Variants in ARMC9 observed in about 807,000 individuals in gnomAD.
ARMC9 encodes the protein armadillo repeat containing 9, also known as lisH domain-containing protein ARMC9.
In ARMC9, 94 loss-of-function variants were observed where a neutral mutation model predicts 107.0. The ratio of observed to expected loss-of-function variants is 0.88; its 90% confidence interval spans 0.74 to 1.04. The LOEUF (loss-of-function observed/expected upper bound fraction) is 1.04, where lower values mean the gene tolerates loss of function less well. Among genes scored for constraint, ARMC9 ranks in the 50% least tolerant of loss-of-function variants. ARMC9 has a pLI of 0.00. For missense variants in ARMC9, 942 were observed against 1,030.1 expected (o/e 0.91, Z 1.17); for synonymous variants, 380 against 396.9 (o/e 0.96, Z 0.51).
At chr2:231,229,907 A>G (rs2035046019) in intron 7 of ARMC9, among the ~76,000 whole-genome samples, 1 of 152,238 alleles carries the variant, frequency 6.6e-6, no homozygotes, top group Admixed American at 6.5e-5. Context: ...TAAGTGAAGT[A>G]GAAAAGTTAA....
rs1001604161 is a variant in ARMC9, at chr2:231,360,368, C to T, written c.2132-386C>T. ...TGGTTTTAGCAAATAAAACTACACA[C>T]CACCCAGTTACATTTGAGTTTCAGA... On this transcript the variant is annotated intron_variant, in intron 22 of 24. Coordinates refer to ENST00000611582, the MANE Select transcript of ARMC9 (RefSeq NM_001352754.2). The surrounding 1 kb of genome is among the most constrained non-coding windows in gnomAD (Gnocchi z 4.7). 6.6e-6 allele frequency among the ~76,000 whole-genome samples: 1 copy of T among 152,184 alleles called. No individual in the cohort carries two copies. The highest frequency in any genetic ancestry group is 1.5e-5 in the Non-Finnish European group (1 of 68,034).
At chr2:231,370,224 G>T in intron 24 of ARMC9, 99 bp downstream of exon 24, 1 of 1,325,152 alleles carries the variant, frequency 7.5e-7, no homozygotes, top group Non-Finnish European at 9.9e-7. Flanking sequence ...GCTCCTGTGT[G>T]TACCAGGCCA....
intron 9 of ARMC9, among the ~76,000 whole-genome samples, chr2:231,254,609 A>C (rs1574815951): frequency 6.6e-6 from 1 of 151,946 alleles, no homozygotes; most frequent in South Asian, 2.1e-4. Flanking sequence ...GCTTGAGCCC[A>C]GGAGTTCAAG....
chr2:231,235,614 C>T (rs112992545), intron 8 of ARMC9, among the ~76,000 whole-genome samples: 11 of 152,274 alleles, frequency 7.2e-5, no homozygotes, highest in African/African-American at 1.4e-4. Flanking sequence ...TACTGTCTGC[C>T]ATATCTTTAT....
chr2:231,300,687 G>T (rs1575003291), intron 19 of ARMC9, among the ~76,000 whole-genome samples: 1 of 152,222 alleles, frequency 6.6e-6, no homozygotes, highest in Admixed American at 6.5e-5. Flanking sequence ...AATCCAGGTG[G>T]TCTGACTCAG....
chr2:231,328,443 G>A (rs991224418), intron 19 of ARMC9, among the ~76,000 whole-genome samples: 1 of 151,896 alleles, frequency 6.6e-6, no homozygotes, highest in African/African-American at 2.4e-5. Context: ...CCTTTTATGG[G>A]TGTTCTAAAA....
At chr2:231,330,180 C>G (rs1355690295) in intron 19 of ARMC9, among the ~76,000 whole-genome samples, 1 of 151,734 alleles carries the variant, frequency 6.6e-6, no homozygotes, top group Non-Finnish European at 1.5e-5. Context: ...TCGATTCTTA[C>G]CATATTGTTT....
At chr2:231,263,540 C>A (rs1034684147) in intron 12 of ARMC9, among the ~76,000 whole-genome samples, 1 of 152,218 alleles carries the variant, frequency 6.6e-6, no homozygotes, top group Admixed American at 6.5e-5. Context: ...TGCCTAATAT[C>A]CTCTTAAAGG....
At chr2:231,340,163 TGGAAAA>T (rs2044409594) in intron 20 of ARMC9, among the ~76,000 whole-genome samples, 1 of 152,156 alleles carries the variant, frequency 6.6e-6, no homozygotes, top group Non-Finnish European at 1.5e-5. Flanking sequence ...GAGGCAATGG[TGGAAAA>T]GTTACCAAAT....
chr2:231,238,581 G>C (rs1052891081), intron 8 of ARMC9, among the ~76,000 whole-genome samples: 1 of 152,190 alleles, frequency 6.6e-6, no homozygotes, highest in Non-Finnish European at 1.5e-5. Context: ...TCAAACTCCT[G>C]AGCTCAAGTG....
chr2:231,256,559 T>A lies in ARMC9; in HGVS notation c.880-27T>A, dbSNP rs1308647316. 9 of 1,612,732 alleles carry A rather than the reference T, an allele frequency of 5.6e-6. 1 individual carries two copies. The East Asian group carries it at 2.0e-4, about 36-fold the overall frequency. ...ATTGCTATCAGTGTTTAACACCATCTGTTTTCTTCTGTCCTCTTCCCCCCA... is the reference window on the plus strand; with the variant it reads ...ATTGCTATCAGTGTTTAACACCATCAGTTTTCTTCTGTCCTCTTCCCCCCA... On this transcript the variant is annotated intron_variant, in intron 9 of 24. Transcript: ENST00000611582.
intron 20 of ARMC9, among the ~76,000 whole-genome samples, chr2:231,338,216 G>A (rs2044259178): frequency 6.6e-6 from 1 of 151,388 alleles, no homozygotes; most frequent in Non-Finnish European, 1.5e-5. Context: ...TCATAGTGAA[G>A]TTCACTTTTT....
intron 8 of ARMC9, among the ~76,000 whole-genome samples, chr2:231,236,331 TCTTAA>T (rs540388862): frequency 6.2e-4 from 94 of 152,372 alleles, no homozygotes; most frequent in Admixed American, 1.2e-3. Context: ...TTAAAATTTA[TCTTAA>T]CTTTTTTTTC....
rs35285848 is a variant in ARMC9 at position 231,373,895 on chromosome 2, CAAA to C, written c.*2374_*2376del. On this transcript the variant is annotated 3_prime_UTR_variant, in exon 25 of 25. Coordinates refer to ENST00000611582, the MANE Select transcript of ARMC9 (RefSeq NM_001352754.2). This position sits in a 1 kb window ranked among gnomAD's most constrained non-coding sequence, Gnocchi z 4.4. Reference sequence around the variant, plus strand: ...CCAGCCTGGGCGACAGAGACTCCGTCAAAAAAAAAAAAAAAATACATTGAGATT... The same window carrying C: ...CCAGCCTGGGCGACAGAGACTCCGTCAAAAAAAAAAAAATACATTGAGATT... 91 of 139,898 alleles carry C rather than the reference CAAA, an allele frequency of 6.5e-4. No homozygotes were observed. Among genetic ancestry groups the C allele is most frequent in the African/African-American group, 1.2e-3 (48 of 38,644 alleles). The allele number at this position is 139,898 out of a possible 1,614,324, so 8.7% of individuals were successfully genotyped here.
chr2:231,339,807 C>T (rs533751139), intron 20 of ARMC9, among the ~76,000 whole-genome samples: 1 of 152,350 alleles, frequency 6.6e-6, no homozygotes, highest in East Asian at 1.9e-4. Flanking sequence ...TAGCACATGC[C>T]TGTAATCCCA....
intron 19 of ARMC9, among the ~76,000 whole-genome samples, chr2:231,296,510 T>G (rs2041379779): frequency 1.3e-5 from 2 of 152,312 alleles, no homozygotes; most frequent in African/African-American, 4.8e-5. Context: ...TGCATGTCAT[T>G]CGAGTTTCAT....
chr2:231,227,936 T>TA (rs2034807605), intron 7 of ARMC9, among the ~76,000 whole-genome samples: 4 of 152,324 alleles, frequency 2.6e-5, no homozygotes, highest in South Asian at 4.1e-4. Flanking sequence ...GGGCTACAGA[T>TA]ACGGCCCCAT....
In ARMC9 at chr2:231,360,654, G is replaced by C; in HGVS notation, c.2132-100G>C. 6.6e-7 allele frequency: 1 copy of C among 1,518,248 alleles called. No homozygotes were observed. The highest frequency in any genetic ancestry group is 1.2e-5 in the South Asian group (1 of 83,514). 94.0% of individuals were successfully genotyped at this position (1,518,248 alleles called of 1,614,324 possible). ...AGGGAGCCCGCAGGGCCTGGCCTGG[G>C]GTGCGTGCTTTTCTTGGCTTTCCAA... On this transcript the variant is annotated intron_variant, in intron 22 of 24. Coordinates refer to ENST00000611582, the MANE Select transcript of ARMC9 (RefSeq NM_001352754.2). This position sits in a 1 kb window ranked among gnomAD's most constrained non-coding sequence, Gnocchi z 4.7.
chr2:231,363,862 C>T (rs541022567), intron 23 of ARMC9, among the ~76,000 whole-genome samples: 10 of 121,966 alleles, frequency 8.2e-5, no homozygotes, highest in East Asian at 4.8e-4. Context: ...CCAGCCTGGA[C>T]GACAGAGTAA....
Sources: gnomAD v4.1 joint callset for allele counts (sites outside exome capture counted in the v4.1 genomes callset) on GRCh38, gnomAD v4.1.1 for gene constraint, Gnocchi (gnomAD v3.1) non-coding constraint, MANE v1.5 for transcripts, NCBI Gene and HGNC (gene_info 2026-07-23, HGNC 2026-07-21) for gene names.